The following ZDHHC15 variants were observed in gnomAD, a reference collection of about 807,000 sequenced individuals.
ZDHHC15 encodes the protein zDHHC palmitoyltransferase 15, also known as palmitoyltransferase ZDHHC15.
In ZDHHC15, 19 loss-of-function variants were observed where a neutral mutation model predicts 31.7. That is an observed-to-expected ratio of 0.60 (90% CI 0.42 to 0.88). The LOEUF is 0.88. Among genes scored for constraint, ZDHHC15 ranks in the 40% least tolerant of loss-of-function variants. The probability of loss-of-function intolerance (pLI) is 0.00; values close to 1 mark genes in which losing one functional copy is unlikely to be tolerated. For synonymous variants in ZDHHC15, 103 were observed against 90.0 expected, an observed-to-expected ratio of 1.14 and a Z score of -0.82; for missense variants, 209 against 251.2, an observed-to-expected ratio of 0.83 and a Z score of 1.14.
At chrX:75,397,536 TAA>T (rs1180642985) in intron 10 of ZDHHC15, among the ~76,000 whole-genome samples, 2 of 26,485 alleles carry the variant, frequency 7.6e-5, no homozygotes, top group African/African-American at 1.0e-4. Flanking sequence ...CCAGAAAAAT[TAA>T]AAATAAAAAA....
chrX:75,518,715 C>G (rs894300716), intron 1 of ZDHHC15, among the ~76,000 whole-genome samples: 1 of 92,051 alleles, frequency 1.1e-5, no homozygotes, highest in Non-Finnish European at 2.1e-5. Context: ...TCAGAAGAGA[C>G]AAAAGGTAGA....
intron 2 of ZDHHC15, among the ~76,000 whole-genome samples, chrX:75,483,635 C>T (rs1569354292): frequency 3.6e-5 from 4 of 111,755 alleles, no homozygotes; most frequent in Non-Finnish European, 1.9e-5. Context: ...ATAACGCCTA[C>T]CCACAAGTTT....
chrX:75,377,124 C>T (rs1466029215), intron 11 of ZDHHC15, among the ~76,000 whole-genome samples: 1 of 111,607 alleles, frequency 9.0e-6, no homozygotes, highest in Non-Finnish European at 1.9e-5. Flanking sequence ...TATCTACATA[C>T]AGTTTAAACA....
At chrX:75,517,748 T>A (rs112274353) in intron 1 of ZDHHC15, among the ~76,000 whole-genome samples, 1 of 108,671 alleles carries the variant, frequency 9.2e-6, no homozygotes, top group Admixed American at 9.9e-5. Context: ...AATAATAAAA[T>A]TTTAAAAAAA....
Position 75,421,441 on chromosome X carries a change from T to TATATATATTA in ZDHHC15, c.863+422_863+423insTAATATATAT, listed in dbSNP as rs1556003952. On this transcript the variant is annotated intron_variant, in intron 9 of 11. Transcript: ENST00000373367. ...ATATATAATATATATATAATATATA[T>TATATATATTA]TATATATATATATTCCCATATTGTT... Among the ~76,000 whole-genome samples the TATATATATTA allele has an allele frequency of 3.8e-3, 252 of 65,727 alleles. 4 individuals are homozygous for TATATATATTA. The highest frequency in any genetic ancestry group is 5.6e-3 in the Non-Finnish European group (222 of 39,410). The allele number at this position is 65,727 out of a possible 115,157, so 57.1% of individuals were successfully genotyped here. A position where few individuals can be genotyped will look rare whatever the true frequency, so the allele number is the denominator to read the frequency against.
In ZDHHC15 at chrX:75,370,300, AG is replaced by A. The variant is rs1429850535; in HGVS notation, c.*2677del. The A allele has an allele frequency of 1.8e-5, 2 of 110,679 alleles. No homozygotes were observed. Among genetic ancestry groups the A allele is most frequent in the African/African-American group, 6.6e-5 (2 of 30,446 alleles). The allele number at this position is 110,679 out of a possible 1,213,427, so 9.1% of individuals were successfully genotyped here. A position where few individuals can be genotyped will look rare whatever the true frequency, so the allele number is the denominator to read the frequency against. On this transcript the variant is annotated 3_prime_UTR_variant, in exon 12 of 12. Coordinates refer to ENST00000373367, the MANE Select transcript of ZDHHC15 (RefSeq NM_144969.3). The stretch of plus-strand genomic sequence containing the variant: ...GTTATTGGACAGGGATCCAAAGAAA[AG>A]CAAGCAAAGAAGCCAGATCAGGGTG...
rs781510136 is a variant in ZDHHC15, at chrX:75,467,559, T to C, written c.258+11332A>G. Reference sequence around the variant, plus strand: ...CTGTGGCTATTAAATTGGCCCAATGTACTCTCCTTTTCTTTTTACACGTTA... The same window carrying C: ...CTGTGGCTATTAAATTGGCCCAATGCACTCTCCTTTTCTTTTTACACGTTA... On this transcript the variant is annotated intron_variant, in intron 3 of 11. Coordinates refer to ENST00000373367, the MANE Select transcript of ZDHHC15 (RefSeq NM_144969.3). Among the ~76,000 whole-genome samples, 113 of 112,336 alleles carry C rather than the reference T, an allele frequency of 1.0e-3. 1 individual carries two copies. The highest frequency in any genetic ancestry group is 3.5e-3 in the African/African-American group (109 of 30,989).
At chrX:75,508,039 T>C (rs1370958005) in intron 1 of ZDHHC15, among the ~76,000 whole-genome samples, 14 of 111,324 alleles carry the variant, frequency 1.3e-4, no homozygotes, top group Admixed American at 1.3e-3. Context: ...GTGAGCCAGG[T>C]AGTTTAAATT....
chrX:75,493,672 C>T (rs997343431), intron 2 of ZDHHC15, among the ~76,000 whole-genome samples: 8 of 111,697 alleles, frequency 7.2e-5, no homozygotes, highest in Non-Finnish European at 1.3e-4. Context: ...ACAGAACCAA[C>T]GACAAAAACC....
chrX:75,436,048 A>G (rs1355736927), intron 4 of ZDHHC15, among the ~76,000 whole-genome samples: 1 of 110,777 alleles, frequency 9.0e-6, no homozygotes, highest in Non-Finnish European at 1.9e-5. Flanking sequence ...CAGAGTTCCC[A>G]TTTCTTTCTG....
In ZDHHC15 at chrX:75,433,872, T is replaced by TACTCC. The variant is rs1194587698; in HGVS notation, c.380-2353_380-2352insGGAGT. On this transcript the variant is annotated intron_variant, in intron 4 of 11. Transcript: ENST00000373367. ...GGGTAAATACCCAGGAGTGGGATTG[T>TACTCC]TGGATCAAATGACAGATCTACGTTA... Among the ~76,000 whole-genome samples the TACTCC allele has an allele frequency of 6.3e-5, 7 of 111,142 alleles. No individual in the cohort carries two copies. The East Asian group carries it at 1.7e-3, about 27-fold the overall frequency.
chrX:75,369,771 G>A lies in ZDHHC15; in HGVS notation c.*3207C>T, dbSNP rs1302115844. On this transcript the variant is annotated 3_prime_UTR_variant, in exon 12 of 12. Transcript: ENST00000373367. ...ATACTTTTCAGATTTTTGACAAAAT[G>A]TGACTCTTTCAGAATGTGATCCTGT... 2 of 111,940 alleles carry A rather than the reference G, an allele frequency of 1.8e-5. No individual in the cohort carries two copies. The highest frequency in any genetic ancestry group is 6.5e-5 in the African/African-American group (2 of 30,774). 9.2% of individuals were successfully genotyped at this position (111,940 alleles called of 1,213,427 possible).
intron 10 of ZDHHC15, among the ~76,000 whole-genome samples, chrX:75,398,776 C>G (rs986126308): frequency 4.5e-5 from 5 of 111,130 alleles, no homozygotes; most frequent in Admixed American, 9.5e-5. Context: ...CTTTGGGCAT[C>G]TTACCCATTC....
At chrX:75,497,576 T>C in intron 2 of ZDHHC15, among the ~76,000 whole-genome samples, 1 of 111,350 alleles carries the variant, frequency 9.0e-6, no homozygotes, top group South Asian at 3.8e-4. Context: ...GCAAAAGTCC[T>C]CTACAAAATA....
rs184704477 is a variant in ZDHHC15, at chrX:75,498,915, T to C, written c.163+6906A>G. ...CCAGGCTATAGTCAACAAAACAGCA[T>C]GGTACTTGTATAAAAACAGGCACAC... On this transcript the variant is annotated intron_variant, in intron 2 of 11. Transcript: ENST00000373367. Among the ~76,000 whole-genome samples the C allele has an allele frequency of 2.6e-3, 290 of 111,793 alleles. 1 individual carries two copies. Among genetic ancestry groups the C allele is most frequent in the African/African-American group, 8.8e-3 (270 of 30,842 alleles).
chrX:75,475,509 T>A (rs749412569), intron 3 of ZDHHC15, among the ~76,000 whole-genome samples: 2 of 112,280 alleles, frequency 1.8e-5, no homozygotes, highest in Non-Finnish European at 3.8e-5. Flanking sequence ...TTAGCATGGT[T>A]GTTGAAGATT....
At chrX:75,380,216 T>A (rs1250068652) in intron 10 of ZDHHC15, among the ~76,000 whole-genome samples, 1 of 112,125 alleles carries the variant, frequency 8.9e-6, no homozygotes, top group African/African-American at 3.2e-5. Flanking sequence ...TTGCAAGTGC[T>A]TAAGCATATA....
chrX:75,411,444 C>T (rs1360708111), intron 10 of ZDHHC15, among the ~76,000 whole-genome samples: 2 of 112,384 alleles, frequency 1.8e-5, no homozygotes, highest in Admixed American at 9.4e-5. Flanking sequence ...GATCTCCTGA[C>T]CTCGTGATCC....
chrX:75,468,529 T>C (rs2084450525), intron 3 of ZDHHC15, among the ~76,000 whole-genome samples: 1 of 112,110 alleles, frequency 8.9e-6, no homozygotes, highest in East Asian at 2.8e-4. Flanking sequence ...CTATGAATAG[T>C]TATGTATAAG....
Sources: gnomAD v4.1 joint callset for allele counts (sites outside exome capture counted in the v4.1 genomes callset) on GRCh38, gnomAD v4.1.1 for gene constraint, MANE v1.5 for transcripts, NCBI Gene and HGNC (gene_info 2026-07-23, HGNC 2026-07-21) for gene names.